MYOF: variants seen among roughly 807,000 people sequenced by gnomAD.
MYOF encodes the protein myoferlin.
In MYOF, 244 loss-of-function variants were observed where a neutral mutation model predicts 284.2. The ratio of observed to expected loss-of-function variants is 0.86; its 90% CI spans 0.77 to 0.95. MYOF has a LOEUF of 0.95. MYOF is among the 40% of genes least tolerant of loss of function. The probability of loss-of-function intolerance (pLI) is 0.00; values close to 1 mark genes in which losing one functional copy is unlikely to be tolerated. For missense variants in MYOF, 2,496 were observed against 2,560.6 expected (o/e 0.97, Z 0.54); for synonymous variants, 904 against 919.7 (o/e 0.98, Z 0.31).
chr10:93,321,433 T>C (rs886086127), intron 48 of MYOF, among the ~76,000 whole-genome samples: 6 of 149,098 alleles, frequency 4.0e-5, no homozygotes, highest in Non-Finnish European at 7.4e-5. Context: ...TTTTTTTTTT[T>C]TTACAAGAGC....
intron 2 of MYOF, among the ~76,000 whole-genome samples, chr10:93,455,318 A>C (rs2056717350): frequency 6.6e-6 from 1 of 151,254 alleles, no homozygotes; most frequent in Admixed American, 6.6e-5. Flanking sequence ...AAAAAACAAA[A>C]AAAGAACAAA....
At chr10:93,325,594 G>C (rs1333861160) in intron 46 of MYOF, among the ~76,000 whole-genome samples, 1 of 152,162 alleles carries the variant, frequency 6.6e-6, no homozygotes, top group Non-Finnish European at 1.5e-5. Flanking sequence ...GACACAGAGA[G>C]ACCCTGGTTC....
At chr10:93,423,400 G>A (rs1024218328) in intron 5 of MYOF, among the ~76,000 whole-genome samples, 8 of 151,388 alleles carry the variant, frequency 5.3e-5, no homozygotes, top group Admixed American at 1.3e-4. Context: ...GGTCGCGGGC[G>A]CCTGTAATCC....
intron 1 of MYOF, among the ~76,000 whole-genome samples, chr10:93,480,696 G>A (rs377656140): frequency 1.8e-3 from 266 of 151,804 alleles, no homozygotes; most frequent in Middle Eastern, 6.8e-3. Flanking sequence ...GGCTGGTCTC[G>A]AACTCCTGCC....
At chr10:93,456,711 A>G (rs2056752250) in intron 2 of MYOF, among the ~76,000 whole-genome samples, 171 bp downstream of exon 2, 1 of 151,978 alleles carries the variant, frequency 6.6e-6, no homozygotes, top group African/African-American at 2.4e-5. Flanking sequence ...CTGGTGAGCT[A>G]CTCTCCTTGA....
chr10:93,412,549 G>A (rs139911467), intron 5 of MYOF, among the ~76,000 whole-genome samples: 25 of 152,044 alleles, frequency 1.6e-4, no homozygotes, highest in African/African-American at 5.3e-4. Context: ...AGTTAGTCCC[G>A]CTCTCTCCTA....
chr10:93,375,579 G>A (rs1450343862), intron 22 of MYOF, among the ~76,000 whole-genome samples: 1 of 152,166 alleles, frequency 6.6e-6, no homozygotes, highest in Non-Finnish European at 1.5e-5. Context: ...TTACTTCCTT[G>A]TCCTCCTATT....
At chr10:93,412,932 G>T (rs746227841) in intron 5 of MYOF, among the ~76,000 whole-genome samples, 1 of 152,118 alleles carries the variant, frequency 6.6e-6, no homozygotes, top group African/African-American at 2.4e-5. Flanking sequence ...GTCCTGGACC[G>T]AGCAATGGCT....
intron 26 of MYOF, among the ~76,000 whole-genome samples, chr10:93,365,786 T>C (rs1195763347): frequency 6.6e-6 from 1 of 152,162 alleles, no homozygotes; most frequent in Non-Finnish European, 1.5e-5. Flanking sequence ...ACTAAGATAG[T>C]CTCTCTCTGC....
intron 24 of MYOF, among the ~76,000 whole-genome samples, chr10:93,372,528 T>C (rs938608727): frequency 1.8e-4 from 27 of 152,222 alleles, no homozygotes; most frequent in Non-Finnish European, 3.1e-4. Flanking sequence ...TTGAAATTGA[T>C]TCAATCTATT....
rs1564681284 is a variant in MYOF at position 93,396,150 on chromosome 10, TC to T, written c.1408del (p.Glu470LysfsTer17). On this transcript the variant is annotated frameshift_variant, in exon 16 of 54. Transcript: ENST00000359263. LOFTEE classifies it high-confidence loss of function. ...HLSKIAASGG[E>X]VEDFSSSGTG... ...TCTGTTGAGTGACTTACCTTCCACTTCCCCACCAGAGGCAGCAATTTTAGAG... is the reference window on the plus strand; with the variant it reads ...TCTGTTGAGTGACTTACCTTCCACTTCCCACCAGAGGCAGCAATTTTAGAG... 1 of 1,608,126 alleles carries T rather than the reference TC, an allele frequency of 6.2e-7. No homozygotes were observed. The highest frequency in any genetic ancestry group is 8.5e-7 in the Non-Finnish European group (1 of 1,176,276).
chr10:93,343,729 C>T (rs900829832), intron 38 of MYOF, 127 bp downstream of exon 38: 4 of 940,888 alleles, frequency 4.3e-6, no homozygotes, highest in Non-Finnish European at 6.7e-6. Context: ...ACTCAGTCCT[C>T]AATAAATGGA....
intron 19 of MYOF, among the ~76,000 whole-genome samples, chr10:93,384,069 G>A (rs781657989): frequency 7.5e-4 from 114 of 152,166 alleles, no homozygotes; most frequent in Non-Finnish European, 1.1e-3. Flanking sequence ...CAACAGAGAA[G>A]GGACTCACTA....
intron 1 of MYOF, among the ~76,000 whole-genome samples, chr10:93,463,352 C>G (rs2056927397): frequency 6.6e-6 from 1 of 150,470 alleles, no homozygotes; most frequent in Non-Finnish European, 1.5e-5. Context: ...TCCAGGAGTT[C>G]AAGACCAGCC....
chr10:93,351,954 C>T (rs1844542561), intron 32 of MYOF, 108 bp from the exon 33 acceptor site: 2 of 1,052,148 alleles, frequency 1.9e-6, no homozygotes, highest in African/African-American at 1.7e-5. Context: ...ACAGTGGGCT[C>T]TGACCACCTG....
intron 40 of MYOF, among the ~76,000 whole-genome samples, chr10:93,336,762 G>A (rs771190436): frequency 6.6e-6 from 1 of 151,532 alleles, no homozygotes; most frequent in Non-Finnish European, 1.5e-5. Flanking sequence ...GATGAAGGAG[G>A]AGAAGGAAGG....
At chr10:93,342,999 A>G (rs943849808) in intron 38 of MYOF, among the ~76,000 whole-genome samples, 1 of 152,134 alleles carries the variant, frequency 6.6e-6, no homozygotes. Flanking sequence ...TGTGGAGACT[A>G]TATTTTATAT....
At chr10:93,348,149 C>T (rs1319752985) in intron 36 of MYOF, among the ~76,000 whole-genome samples, 1 of 152,214 alleles carries the variant, frequency 6.6e-6, no homozygotes, top group Non-Finnish European at 1.5e-5. Flanking sequence ...TACTCTCAGT[C>T]ACTGCCCTAT....
At chr10:93,386,417 A>T (rs1179929219) in intron 19 of MYOF, among the ~76,000 whole-genome samples, 6 of 152,216 alleles carry the variant, frequency 3.9e-5, no homozygotes, top group Non-Finnish European at 8.8e-5. Flanking sequence ...CTTTAGTAAA[A>T]AAACAAAACA....
Sources: allele counts gnomAD v4.1 joint callset (sites outside exome capture counted in the v4.1 genomes callset), GRCh38; gene constraint gnomAD v4.1.1; transcripts MANE v1.5; gene names NCBI Gene and HGNC (gene_info 2026-07-23, HGNC 2026-07-21).